Variants in RNF212B observed in about 807,000 individuals in gnomAD.
The protein encoded by RNF212B is E3 ubiquitin-protein ligase RNF212B.
A neutral mutation model predicts 55.5 loss-of-function variants in RNF212B; 52 were observed. The ratio of observed to expected loss-of-function variants is 0.94; its 90% CI spans 0.75 to 1.18. The LOEUF is 1.18. Ranked by LOEUF, RNF212B falls within the 50% of genes most tolerant of loss-of-function variation. The pLI is 0.00. For missense variants in RNF212B, 289 were observed against 350.4 expected (o/e 0.82, Z 1.40); for synonymous variants, 99 against 121.4 (o/e 0.82, Z 1.21).
At chr14:23,202,048 C>T (rs1879341177) in intron 2 of RNF212B, among the ~76,000 whole-genome samples, 1 of 151,788 alleles carries the variant, frequency 6.6e-6, no homozygotes, top group African/African-American at 2.4e-5. Context: ...GTCCGGAGTT[C>T]GAGACCAGCT....
intron 4 of RNF212B, among the ~76,000 whole-genome samples, chr14:23,253,663 G>T (rs1884581492): frequency 6.6e-6 from 1 of 152,148 alleles, no homozygotes. Flanking sequence ...TTCATTAGAA[G>T]TTGTAAAATT....
At chr14:23,190,973 T>C (rs1878061377) in intron 1 of RNF212B, among the ~76,000 whole-genome samples, 3 of 152,200 alleles carry the variant, frequency 2.0e-5, no homozygotes, top group Non-Finnish European at 4.4e-5. Flanking sequence ...GCAGACCGTC[T>C]TGGGGGTGTC....
rs1884537730 is a variant in RNF212B, at chr14:23,253,149, C to T, written c.229-5400C>T. On this transcript the variant is annotated intron_variant, in intron 4 of 14. Coordinates refer to ENST00000430154, the MANE Select transcript of RNF212B (RefSeq NM_001282322.3). Reference sequence around the variant, plus strand: ...TATCTGTAAACATTTCAGTGTGTATCTCTAAAAGATAGGAACTTTTTTCTT... The same window carrying T: ...TATCTGTAAACATTTCAGTGTGTATTTCTAAAAGATAGGAACTTTTTTCTT... Among the ~76,000 whole-genome samples, 5 of 152,074 alleles carry T rather than the reference C, an allele frequency of 3.3e-5. No homozygotes were observed. The South Asian group carries it at 1.0e-3, about 31-fold the overall frequency.
At chr14:23,216,579 A>AT (rs892647907) in intron 2 of RNF212B, among the ~76,000 whole-genome samples, 3 of 151,594 alleles carry the variant, frequency 2.0e-5, no homozygotes, top group African/African-American at 7.3e-5. Context: ...AAAAAAAAAA[A>AT]AAATAATAAG....
intron 2 of RNF212B, among the ~76,000 whole-genome samples, chr14:23,195,404 G>A (rs1878556321): frequency 1.3e-5 from 2 of 152,202 alleles, no homozygotes; most frequent in Admixed American, 1.3e-4. Flanking sequence ...ATAAGCGCTT[G>A]ACTCGTAGCC....
intron 2 of RNF212B, among the ~76,000 whole-genome samples, chr14:23,204,906 T>A (rs533998272): frequency 6.6e-6 from 1 of 152,296 alleles, no homozygotes; most frequent in African/African-American, 2.4e-5. Context: ...CAGCAGTGTT[T>A]TGTACTTTTC....
At chr14:23,186,373 C>T (rs1326199621) in intron 1 of RNF212B, among the ~76,000 whole-genome samples, 5 of 150,214 alleles carry the variant, frequency 3.3e-5, no homozygotes, top group East Asian at 1.9e-4. Flanking sequence ...GAAGGAGTCT[C>T]GCTCTGCTGC....
chr14:23,254,533 T>C (rs895881101), intron 4 of RNF212B, among the ~76,000 whole-genome samples: 4 of 152,098 alleles, frequency 2.6e-5, no homozygotes, highest in African/African-American at 9.7e-5. Context: ...CTAATATTCA[T>C]TTCCAAAGCA....
At chr14:23,254,890 C>T (rs1220208022) in intron 4 of RNF212B, among the ~76,000 whole-genome samples, 2 of 152,084 alleles carry the variant, frequency 1.3e-5, no homozygotes, top group African/African-American at 2.4e-5. Flanking sequence ...TTTTAATATG[C>T]TCTCTCAAGC....
chr14:23,232,736 T>C (rs950860120), intron 2 of RNF212B, among the ~76,000 whole-genome samples: 25 of 78,908 alleles, frequency 3.2e-4, no homozygotes, highest in African/African-American at 1.1e-3. Flanking sequence ...GGGAGGGAGG[T>C]GGGGGGGTCA....
intron 1 of RNF212B, among the ~76,000 whole-genome samples, chr14:23,193,083 A>C: frequency 8.1e-6 from 1 of 123,322 alleles, no homozygotes; most frequent in Non-Finnish European, 1.7e-5. Context: ...CAAGAGAAAA[A>C]CTCTGTCTAA....
intron 4 of RNF212B, 182 bp from the exon 5 acceptor site, chr14:23,258,367 G>T: frequency 5.9e-6 from 2 of 336,566 alleles, no homozygotes; most frequent in Non-Finnish European, 5.3e-6. Context: ...GACAGTAGAA[G>T]GCTAGTGTCC....
chr14:23,191,850 A>C (rs1225943859), intron 1 of RNF212B, among the ~76,000 whole-genome samples: 1 of 152,226 alleles, frequency 6.6e-6, no homozygotes, highest in African/African-American at 2.4e-5. Flanking sequence ...CGACAAATAC[A>C]TACTTATTCG....
intron 5 of RNF212B, 28 bp downstream of exon 5, chr14:23,258,692 G>GT: frequency 2.5e-6 from 2 of 811,342 alleles, no homozygotes; most frequent in Non-Finnish European, 1.8e-6. Context: ...TCCCAAGAGA[G>GT]CTTTTTTTTT....
chr14:23,216,061 C>T (rs903393644), intron 2 of RNF212B, among the ~76,000 whole-genome samples: 10 of 87,830 alleles, frequency 1.1e-4, no homozygotes, highest in Admixed American at 2.8e-4. Context: ...CTGGCTAACA[C>T]GGTGAAACCC....
intron 2 of RNF212B, among the ~76,000 whole-genome samples, chr14:23,213,597 G>A (rs1182696647): frequency 2.6e-5 from 4 of 152,176 alleles, no homozygotes; most frequent in Non-Finnish European, 4.4e-5. Flanking sequence ...CAGCAAGAAG[G>A]TGGTGGGAGT....
upstream of RNF212B, among the ~76,000 whole-genome samples, chr14:23,233,392 A>T (rs1882859597): frequency 6.7e-6 from 1 of 148,528 alleles, no homozygotes; most frequent in Non-Finnish European, 1.5e-5. Flanking sequence ...GAAACACCCA[A>T]GAATGATCAA....
At chr14:23,194,661 G>A (rs558481699) in intron 2 of RNF212B, among the ~76,000 whole-genome samples, 1 of 149,500 alleles carries the variant, frequency 6.7e-6, no homozygotes, top group South Asian at 2.2e-4. Flanking sequence ...CATGAGCCCG[G>A]GAGATGGAGG....
intron 2 of RNF212B, among the ~76,000 whole-genome samples, chr14:23,220,215 CAAAAACAAA>C (rs1422658493): frequency 2.0e-5 from 3 of 151,058 alleles, no homozygotes; most frequent in African/African-American, 7.3e-5. Flanking sequence ...AAAACAAAAA[CAAAAACAAA>C]AACAAAAACA....
Sources: allele counts gnomAD v4.1 joint callset (sites outside exome capture counted in the v4.1 genomes callset), GRCh38; gene constraint gnomAD v4.1.1; transcripts MANE v1.5; gene names NCBI Gene and HGNC (gene_info 2026-07-23, HGNC 2026-07-21).